The following TDRD9 variants were observed in gnomAD, a reference collection of about 807,000 sequenced individuals.
TDRD9 encodes tudor domain containing 9, also known as ATP-dependent RNA helicase TDRD9.
Under a neutral mutation model 172.6 loss-of-function variants are expected in TDRD9, and 124 were observed. The observed-to-expected ratio is 0.72, with a 90% CI of 0.62 to 0.83. TDRD9 has a LOEUF of 0.83. Among genes scored for constraint, TDRD9 ranks in the 40% least tolerant of loss-of-function variants. The pLI, the probability that TDRD9 is intolerant of heterozygous loss-of-function variation, is 0.00. For synonymous variants in TDRD9, 619 were observed against 617.1 expected (o/e 1.00, Z -0.05); for missense variants, 1,479 against 1,714.1 (o/e 0.86, Z 2.42).
At chr14:104,015,906 G>A (rs1431393229) in intron 21 of TDRD9, 75 bp from the exon 22 acceptor site, 3 of 1,065,938 alleles carry the variant, frequency 2.8e-6, no homozygotes, top group East Asian at 5.3e-5. Flanking sequence ...ATCATGCTGG[G>A]TTGAGATTAG....
chr14:104,035,012 C>T lies in TDRD9; in HGVS notation c.3672C>T (p.Leu1224=), dbSNP rs923120318. ...ETSLMPHIPG[L]PALLSMLFAP... ...CTCTGATGCCTCATATCCCTGGCCT[C>T]CCGGCTCTCCTCAGCATGTTATTCG... Residue 1224 remains leucine, a synonymous_variant, in exon 32 of 36, where the codon CTC becomes CTT. Transcript: ENST00000409874. 4 of 1,551,698 alleles carry T rather than the reference C, an allele frequency of 2.6e-6. No individual in the cohort carries two copies. The highest frequency in any genetic ancestry group is 3.5e-6 in the Non-Finnish European group (4 of 1,146,996).
At chr14:104,041,868 T>A (rs2140919157) in intron 33 of TDRD9, among the ~76,000 whole-genome samples, 1 of 152,354 alleles carries the variant, frequency 6.6e-6, no homozygotes, top group Non-Finnish European at 1.5e-5. Context: ...AGCATCCACA[T>A]AGAGCTTGTA....
At chr14:103,939,764 T>TTTTTTA (rs61621268) in intron 1 of TDRD9, 2 of 133,076 alleles carry the variant, frequency 1.5e-5, no homozygotes, top group African/African-American at 5.6e-5. Context: ...TTTTTTTTTT[T>TTTTTTA]GAGACAAGGT....
At chr14:104,021,141 G>A (rs2034942096) in intron 23 of TDRD9, among the ~76,000 whole-genome samples, 1 of 152,144 alleles carries the variant, frequency 6.6e-6, no homozygotes. Flanking sequence ...AAAGGCAAAG[G>A]GAAGCTGGCA....
chr14:103,933,948 T>G (rs2030574064), intron 1 of TDRD9, among the ~76,000 whole-genome samples: 1 of 152,240 alleles, frequency 6.6e-6, no homozygotes, highest in Non-Finnish European at 1.5e-5. Flanking sequence ...TGTTGCCTTT[T>G]GGTATTCAGG....
intron 11 of TDRD9, 25 bp downstream of exon 11, chr14:103,994,628 C>A: frequency 6.3e-7 from 1 of 1,589,820 alleles, no homozygotes; most frequent in South Asian, 1.1e-5. Context: ...AAGACAAGTT[C>A]TAAGCACTTT....
At chr14:103,996,495 G>T (rs1365941642) in intron 12 of TDRD9, among the ~76,000 whole-genome samples, 1 of 152,182 alleles carries the variant, frequency 6.6e-6, no homozygotes, top group Non-Finnish European at 1.5e-5. Context: ...TTTCAGATAG[G>T]ATCTTTCAGA....
chr14:103,961,114 CCTT>C lies in TDRD9; in HGVS notation c.323-1961_323-1959del, dbSNP rs754453194. Among the ~76,000 whole-genome samples, 123 of 152,270 alleles carry C rather than the reference CCTT, an allele frequency of 8.1e-4. 1 individual carries two copies. Among genetic ancestry groups the C allele is most frequent in the South Asian group, 3.1e-3 (15 of 4,826 alleles). ...ACAAGGGCCATGGGGATTCTCTTCCCCTTCTTTCATTATGTTCAAGAAGGCCTA... is the reference window on the plus strand; with the variant it reads ...ACAAGGGCCATGGGGATTCTCTTCCCCTTTCATTATGTTCAAGAAGGCCTA... On this transcript the variant is annotated intron_variant, in intron 2 of 35. Coordinates refer to ENST00000409874, the MANE Select transcript of TDRD9 (RefSeq NM_153046.3).
At chr14:103,930,139 A>G (rs2030280928) in intron 1 of TDRD9, among the ~76,000 whole-genome samples, 1 of 151,802 alleles carries the variant, frequency 6.6e-6, no homozygotes. Context: ...CTCAGTCCCC[A>G]AGTCCAGCAC....
Position 103,995,752 on chromosome 14 carries a change from T to C in TDRD9, c.1323T>C (p.Ile441=), listed in dbSNP as rs1306012726. Residue 441 remains isoleucine (I), a splice_region_variant and synonymous_variant, in exon 12 of 36, where the codon ATT becomes ATC. Coordinates refer to ENST00000409874, the MANE Select transcript of TDRD9 (RefSeq NM_153046.3). ...CTTTTTTCTTTGATGTTTAACAGAT[T>C]ATTCTGTCCACCAATATTGCAGAGA... ...FLSPVPGYRK[I]ILSTNIAESS... is the part of the protein sequence containing the mutation. 6.2e-7 allele frequency: 1 copy of C among 1,603,370 alleles called. No homozygotes were observed. Among genetic ancestry groups the C allele is most frequent in the Admixed American group, 1.7e-5 (1 of 57,774 alleles).
intron 2 of TDRD9, among the ~76,000 whole-genome samples, chr14:103,960,781 T>C (rs1252626912): frequency 6.6e-6 from 1 of 152,244 alleles, no homozygotes; most frequent in African/African-American, 2.4e-5. Flanking sequence ...TGGCATTTTT[T>C]CTTGTAAAAT....
chr14:103,932,774 A>C (rs1019748916), intron 1 of TDRD9, among the ~76,000 whole-genome samples: 1 of 152,200 alleles, frequency 6.6e-6, no homozygotes, highest in African/African-American at 2.4e-5. Context: ...ATTAGTGTAC[A>C]CCAAGTCACT....
At chr14:103,938,915 G>A (rs575278003) in intron 1 of TDRD9, among the ~76,000 whole-genome samples, 13 of 152,020 alleles carry the variant, frequency 8.6e-5, no homozygotes, top group East Asian at 1.9e-4. Flanking sequence ...TACCCTCACA[G>A]GATATGAGTA....
chr14:104,025,650 A>G lies in TDRD9; in HGVS notation c.2805A>G (p.Gln935=). ...AAAAGCTTACTGCTGAAATCAACCA[A>G]CTGACGCTGGTGCCCTTGCCCACTC... ...ILKKLTAEIN[Q]LTLVPLPTHP... Residue 935 remains glutamine (Q), a synonymous_variant, in exon 26 of 36, where the codon CAA becomes CAG. Coordinates refer to ENST00000409874, the MANE Select transcript of TDRD9 (RefSeq NM_153046.3). 6.2e-7 allele frequency: 1 copy of G among 1,613,996 alleles called. No homozygotes were observed. The highest frequency in any genetic ancestry group is 8.5e-7 in the Non-Finnish European group (1 of 1,179,878).
intron 8 of TDRD9, 125 bp from the exon 9 acceptor site, chr14:103,991,035 G>A (rs1189808447): frequency 9.2e-7 from 1 of 1,083,576 alleles, no homozygotes. Flanking sequence ...TGTAAAATAA[G>A]GAACATTACA....
chr14:104,026,125 C>T lies in TDRD9; in HGVS notation c.3010C>T (p.Leu1004Phe), dbSNP rs768019348. Residue 1004 changes from leucine (L) to phenylalanine (F), a missense_variant, in exon 27 of 36, where the codon CTT becomes TTT. Around this residue, in one of 3 missense-constraint regions of TDRD9, gnomAD observed 1,413 missense variants for 1,649.1 expected, o/e 0.86. Coordinates refer to ENST00000409874, the MANE Select transcript of TDRD9 (RefSeq NM_153046.3). ...LMEIPCQFLE[L>F]PFQALEFKIC... ...GGAGATTCCCTGTCAATTTCTTGAA[C>T]TTCCTTTCCAGGTAAGGTAGAGAAG... 3 of 1,603,968 alleles carry T rather than the reference C, an allele frequency of 1.9e-6. No homozygotes were observed. The highest frequency in any genetic ancestry group is 2.2e-5 in the East Asian group (1 of 44,828).
intron 8 of TDRD9, among the ~76,000 whole-genome samples, chr14:103,990,827 C>T (rs1817026210): frequency 1.3e-5 from 2 of 152,216 alleles, no homozygotes; most frequent in Admixed American, 1.3e-4. Flanking sequence ...GACTCATGAA[C>T]ATTTAAATTT....
intron 32 of TDRD9, among the ~76,000 whole-genome samples, chr14:104,036,947 A>C (rs2035467393): frequency 6.6e-6 from 1 of 151,964 alleles, no homozygotes; most frequent in African/African-American, 2.4e-5. Flanking sequence ...GCCTCTGAGT[A>C]GTTGTATAAG....
intron 29 of TDRD9, 22 bp downstream of exon 29, chr14:104,031,285 T>G: frequency 6.5e-7 from 1 of 1,541,252 alleles, no homozygotes; most frequent in Non-Finnish European, 8.8e-7. Context: ...AGTTTTAAAA[T>G]GTAATTTAAA....
Sources: gnomAD v4.1 joint callset for allele counts (sites outside exome capture counted in the v4.1 genomes callset) on GRCh38, gnomAD v4.1.1 for gene constraint, gnomAD v4.1.1 regional missense constraint, MANE v1.5 for transcripts, NCBI Gene and HGNC (gene_info 2026-07-23, HGNC 2026-07-21) for gene names.